IL1RAPL2: variants seen among roughly 807,000 people sequenced by gnomAD.
The protein encoded by IL1RAPL2 is interleukin 1 receptor accessory protein like 2.
Under a neutral mutation model 44.1 loss-of-function variants are expected in IL1RAPL2, and 3 were observed. The ratio of observed to expected loss-of-function variants is 0.07; its 90% CI spans 0.03 to 0.18. The LOEUF (loss-of-function observed/expected upper bound fraction) is 0.18. Among genes scored for constraint, IL1RAPL2 ranks in the 10% least tolerant of loss-of-function variants. The pLI is 1.00. For synonymous variants in IL1RAPL2, 181 were observed against 178.8 expected, an observed-to-expected ratio of 1.01 and a Z score of -0.10; for missense variants, 391 against 496.4, an observed-to-expected ratio of 0.79 and a Z score of 2.02.
At position 104,778,070 on chromosome X, in the gene IL1RAPL2, T is replaced by C. The variant is rs780406282; in HGVS notation, c.82+119075T>C. Among the ~76,000 whole-genome samples, 201 of 111,463 alleles carry C rather than the reference T, an allele frequency of 1.8e-3. 1 individual carries two copies. Among genetic ancestry groups the C allele is most frequent in the Admixed American group, 3.3e-3 (35 of 10,476 alleles). On this transcript the variant is annotated intron_variant, in intron 2 of 10. Transcript: ENST00000372582. ...CTATCCTAATGGGTATGAGGTATTA[T>C]ATCACTAGCATTTCCCTAATGATTA...
At chrX:105,410,124 T>G (rs2035684002) in intron 5 of IL1RAPL2, among the ~76,000 whole-genome samples, 1 of 110,339 alleles carries the variant, frequency 9.1e-6, no homozygotes, top group Admixed American at 9.7e-5. Context: ...ACAACTCTAT[T>G]TAGTCTTATT....
intron 2 of IL1RAPL2, among the ~76,000 whole-genome samples, chrX:105,089,969 G>A (rs1424052945): frequency 9.0e-6 from 1 of 111,718 alleles, no homozygotes; most frequent in Admixed American, 9.6e-5. Context: ...ACCATTTGTA[G>A]TTCATTATCG....
chrX:105,662,066 C>T (rs954545839), intron 6 of IL1RAPL2, among the ~76,000 whole-genome samples: 1 of 112,105 alleles, frequency 8.9e-6, no homozygotes, highest in African/African-American at 3.2e-5. Context: ...AGCATACCTC[C>T]TTTATTGTCA....
intron 7 of IL1RAPL2, among the ~76,000 whole-genome samples, chrX:105,731,721 T>C (rs1448832560): frequency 1.8e-5 from 2 of 110,610 alleles, no homozygotes; most frequent in Admixed American, 9.7e-5. Context: ...CTCACTTATA[T>C]GTAGGAAGTA....
intron 2 of IL1RAPL2, among the ~76,000 whole-genome samples, chrX:105,109,916 T>C (rs1344688852): frequency 8.9e-6 from 1 of 112,215 alleles, no homozygotes; most frequent in Non-Finnish European, 1.9e-5. Context: ...ACTTATTTCA[T>C]GCAACTGCTT....
At chrX:104,952,759 T>C (rs994792868) in intron 2 of IL1RAPL2, among the ~76,000 whole-genome samples, 5 of 112,185 alleles carry the variant, frequency 4.5e-5, no homozygotes, top group African/African-American at 1.6e-4. Flanking sequence ...AAGTCCTTCT[T>C]ATGCACAACT....
At chrX:104,941,297 G>GA (rs769865479) in intron 2 of IL1RAPL2, among the ~76,000 whole-genome samples, 1 of 111,499 alleles carries the variant, frequency 9.0e-6, no homozygotes, top group South Asian at 3.8e-4. Flanking sequence ...CACAATGGTT[G>GA]AACTAGTTTA....
At chrX:104,709,876 C>T (rs1228546925) in intron 2 of IL1RAPL2, among the ~76,000 whole-genome samples, 1 of 110,314 alleles carries the variant, frequency 9.1e-6, no homozygotes, top group Admixed American at 9.7e-5. Context: ...AAATTGCAAA[C>T]AATCCTGTAA....
At chrX:105,666,617 A>G (rs1459707857) in intron 6 of IL1RAPL2, among the ~76,000 whole-genome samples, 2 of 112,088 alleles carry the variant, frequency 1.8e-5, no homozygotes, top group Non-Finnish European at 3.8e-5. Context: ...TTGCAGCAAA[A>G]GCTGGTTACA....
chrX:105,305,825 G>T (rs1281577811), intron 5 of IL1RAPL2, among the ~76,000 whole-genome samples: 4 of 111,369 alleles, frequency 3.6e-5, no homozygotes, highest in Non-Finnish European at 7.5e-5. Flanking sequence ...GACCTGTAAG[G>T]GACATCTGCT....
chrX:105,354,508 G>C (rs1247244134), intron 5 of IL1RAPL2, among the ~76,000 whole-genome samples: 3 of 76,037 alleles, frequency 3.9e-5, no homozygotes, highest in African/African-American at 1.9e-4. Context: ...GTTGTGGGGT[G>C]GGGGGAGGGG....
intron 1 of IL1RAPL2, among the ~76,000 whole-genome samples, chrX:104,600,218 A>G (rs776480729): frequency 4.5e-5 from 5 of 112,011 alleles, no homozygotes; most frequent in African/African-American, 1.6e-4. Flanking sequence ...GAAAATAAAA[A>G]TTTGTTTCTT....
intron 6 of IL1RAPL2, among the ~76,000 whole-genome samples, chrX:105,519,598 CT>C (rs1289664386): frequency 9.0e-6 from 1 of 110,956 alleles, no homozygotes; most frequent in Admixed American, 9.6e-5. Context: ...GTTGATGGGT[CT>C]TTTGGGAATC....
intron 6 of IL1RAPL2, among the ~76,000 whole-genome samples, chrX:105,583,139 GTT>G (rs779253494): frequency 1.0e-5 from 1 of 97,921 alleles, no homozygotes; most frequent in African/African-American, 3.7e-5. Context: ...AATTTTTTTT[GTT>G]TTTTTTTTTT....
chrX:104,788,675 C>T (rs1932810975), intron 2 of IL1RAPL2, among the ~76,000 whole-genome samples: 1 of 111,404 alleles, frequency 9.0e-6, no homozygotes, highest in Non-Finnish European at 1.9e-5. Flanking sequence ...TAAAGATTAC[C>T]AAGAGCTTTC....
At chrX:104,777,541 AATT>A (rs376271609) in intron 2 of IL1RAPL2, among the ~76,000 whole-genome samples, 13,624 of 85,178 alleles carry the variant, frequency 0.16, 998 homozygotes, top group East Asian at 0.19. Flanking sequence ...CTCTGCTTTC[AATT>A]ATTATTATTA....
chrX:104,930,710 A>G (rs1924876601), intron 2 of IL1RAPL2, among the ~76,000 whole-genome samples: 1 of 111,794 alleles, frequency 8.9e-6, no homozygotes, highest in South Asian at 3.7e-4. Context: ...ATAATGATAG[A>G]TAACATTTAT....
intron 2 of IL1RAPL2, among the ~76,000 whole-genome samples, chrX:105,184,310 A>G (rs2147606949): frequency 9.0e-6 from 1 of 111,285 alleles, no homozygotes; most frequent in South Asian, 3.7e-4. Context: ...CTAGTAAGCC[A>G]TCTTGAATCC....
intron 4 of IL1RAPL2, among the ~76,000 whole-genome samples, chrX:105,252,852 C>G (rs181855642): frequency 1.8e-5 from 2 of 111,520 alleles, no homozygotes; most frequent in Admixed American, 1.9e-4. Flanking sequence ...GAATTTGAAC[C>G]CTGACGGTGT....
Sources: gnomAD v4.1 joint callset for allele counts (sites outside exome capture counted in the v4.1 genomes callset) on GRCh38, gnomAD v4.1.1 for gene constraint, MANE v1.5 for transcripts, NCBI Gene and HGNC (gene_info 2026-07-23, HGNC 2026-07-21) for gene names.